RAB28: variants seen among roughly 807,000 people sequenced by gnomAD.
The protein encoded by RAB28 is RAB28, member RAS oncogene family, also known as ras-related protein Rab-28.
RAB28 carries 24 observed loss-of-function variants against 31.7 expected under a neutral mutation model. The observed-to-expected ratio is 0.76, with a 90% CI of 0.55 to 1.06. The LOEUF (loss-of-function observed/expected upper bound fraction) is 1.06, where lower values mean the gene tolerates loss of function less well. Among genes scored for constraint, RAB28 ranks in the 50% least tolerant of loss-of-function variants. RAB28 has a pLI of 0.00. For missense variants in RAB28, 254 were observed against 258.5 expected, an observed-to-expected ratio of 0.98 and a Z score of 0.12; for synonymous variants, 100 against 90.4, an observed-to-expected ratio of 1.11 and a Z score of -0.60.
chr4:13,371,020 T>C (rs2108872992), intron 6 of RAB28: 3 of 984,168 alleles, frequency 3.0e-6, no homozygotes, highest in Non-Finnish European at 3.6e-6. Context: ...TCAGGACACA[T>C]ACCCTTCATA....
chr4:13,391,209 GA>G (rs1383474048), intron 4 of RAB28, among the ~76,000 whole-genome samples: 1 of 151,878 alleles, frequency 6.6e-6, no homozygotes, highest in Non-Finnish European at 1.5e-5. Flanking sequence ...AAATTTACAA[GA>G]AAAAAACAAA....
intron 4 of RAB28, among the ~76,000 whole-genome samples, chr4:13,427,021 G>C (rs73819851): frequency 6.6e-6 from 1 of 152,090 alleles, no homozygotes; most frequent in Admixed American, 6.5e-5. Flanking sequence ...CCTGAAATCA[G>C]GAGGTGTATA....
At chr4:13,479,582 A>G in intron 1 of RAB28, 56 bp from the exon 2 acceptor site, 1 of 1,135,604 alleles carries the variant, frequency 8.8e-7, no homozygotes, top group South Asian at 1.3e-5. Context: ...ATGTAATCAT[A>G]AGACCACTAT....
At chr4:13,377,428 T>C (rs1201154722) in intron 5 of RAB28, among the ~76,000 whole-genome samples, 1 of 152,258 alleles carries the variant, frequency 6.6e-6, no homozygotes, top group Admixed American at 6.5e-5. Flanking sequence ...ATATTCCTGA[T>C]AGCCTTATGC....
At chr4:13,399,681 A>G (rs1711634345) in intron 4 of RAB28, among the ~76,000 whole-genome samples, 1 of 151,576 alleles carries the variant, frequency 6.6e-6, no homozygotes, top group South Asian at 2.1e-4. Context: ...TAGTGATGAG[A>G]CTCCACTTAT....
At chr4:13,424,451 G>A (rs569144847) in intron 4 of RAB28, among the ~76,000 whole-genome samples, 220 of 152,128 alleles carry the variant, frequency 1.4e-3, no homozygotes, top group African/African-American at 4.9e-3. Context: ...CTCTCTTCTC[G>A]TAAGTCATTG....
chr4:13,457,709 GT>G (rs567270718), intron 4 of RAB28, among the ~76,000 whole-genome samples: 2 of 151,930 alleles, frequency 1.3e-5, no homozygotes, highest in South Asian at 4.2e-4. Flanking sequence ...ACAAATATTT[GT>G]TTTTAAAACA....
At position 13,371,769 on chromosome 4, in the gene RAB28, G is replaced by C. The variant is rs148138548; in HGVS notation, c.574-3119C>G. On this transcript the variant is annotated intron_variant, in intron 6 of 6. Transcript: ENST00000330852. Reference sequence around the variant, plus strand: ...AAAGCCATTTATTGATGTTTTTAGAGAAAATGTTACCTATAAAATACCAAC... The same window carrying C: ...AAAGCCATTTATTGATGTTTTTAGACAAAATGTTACCTATAAAATACCAAC... The C allele has an allele frequency of 7.7e-4, 1,185 of 1,546,744 alleles. 8 individuals carry two copies. The African/African-American group carries it at 0.015, about 19-fold the overall frequency.
At chr4:13,408,822 A>G (rs772423077) in intron 4 of RAB28, among the ~76,000 whole-genome samples, 3 of 152,196 alleles carry the variant, frequency 2.0e-5, no homozygotes, top group Non-Finnish European at 4.4e-5. Context: ...CAAAATAATT[A>G]AAGAATAATT....
chr4:13,411,409 G>C (rs936458292), intron 4 of RAB28, among the ~76,000 whole-genome samples: 2 of 152,136 alleles, frequency 1.3e-5, no homozygotes, highest in African/African-American at 4.8e-5. Context: ...AGGAAACCCA[G>C]TGATATGTGA....
chr4:13,469,405 G>C (rs1368200458), intron 3 of RAB28, among the ~76,000 whole-genome samples: 2 of 151,774 alleles, frequency 1.3e-5, no homozygotes, highest in African/African-American at 4.8e-5. Flanking sequence ...TCCAGCTGCT[G>C]TTCTTCTTCC....
intron 4 of RAB28, among the ~76,000 whole-genome samples, chr4:13,457,400 A>C (rs1048529226): frequency 6.6e-6 from 1 of 152,308 alleles, no homozygotes; most frequent in East Asian, 1.9e-4. Context: ...TAACTGCAGA[A>C]GGATCTTTCA....
chr4:13,431,523 G>A (rs1713804554), intron 4 of RAB28, among the ~76,000 whole-genome samples: 1 of 152,062 alleles, frequency 6.6e-6, no homozygotes, highest in Non-Finnish European at 1.5e-5. Flanking sequence ...TTAAAAACCT[G>A]CTACCAGAAG....
At chr4:13,371,967 G>T in intron 6 of RAB28, 1 of 1,185,678 alleles carries the variant, frequency 8.4e-7, no homozygotes, top group Non-Finnish European at 1.2e-6. Flanking sequence ...GGCAGCCATG[G>T]AGGGCATAAG....
intron 6 of RAB28, chr4:13,369,884 C>G (rs762588284): frequency 8.7e-6 from 14 of 1,611,536 alleles, no homozygotes; most frequent in Non-Finnish European, 1.1e-5. Flanking sequence ...CACTACTGTA[C>G]TGAACAGATT....
intron 4 of RAB28, among the ~76,000 whole-genome samples, chr4:13,434,398 C>T (rs1713979423): frequency 6.6e-6 from 1 of 152,182 alleles, no homozygotes; most frequent in African/African-American, 2.4e-5. Flanking sequence ...AATTCATATG[C>T]ACCCAACATA....
chr4:13,480,054 A>G (rs568285322), intron 1 of RAB28, among the ~76,000 whole-genome samples: 1 of 151,800 alleles, frequency 6.6e-6, no homozygotes, highest in African/African-American at 2.4e-5. Flanking sequence ...CTAAATGAAA[A>G]TGACCCTAAA....
chr4:13,470,153 C>T (rs1716053188), intron 3 of RAB28, among the ~76,000 whole-genome samples: 1 of 152,078 alleles, frequency 6.6e-6, no homozygotes, highest in South Asian at 2.1e-4. Context: ...TCCCAAAATG[C>T]AGGTTATTTG....
chr4:13,443,858 CCT>C (rs1714547280), intron 4 of RAB28, among the ~76,000 whole-genome samples: 1 of 152,058 alleles, frequency 6.6e-6, no homozygotes, highest in African/African-American at 2.4e-5. Context: ...TGGCCCATCC[CCT>C]GACAACAACT....
Sources: allele counts gnomAD v4.1 joint callset (sites outside exome capture counted in the v4.1 genomes callset), GRCh38; gene constraint gnomAD v4.1.1; transcripts MANE v1.5; gene names NCBI Gene and HGNC (gene_info 2026-07-23, HGNC 2026-07-21).